DNAH8: variants seen among roughly 807,000 people sequenced by gnomAD.
DNAH8 encodes axonemal beta dynein heavy chain 8.
In DNAH8, 382 loss-of-function variants were observed where a neutral mutation model predicts 562.1. The observed-to-expected ratio is 0.68, with a 90% CI of 0.63 to 0.74. The LOEUF is 0.74. DNAH8 is among the 30% of genes least tolerant of loss of function. DNAH8 has a pLI of 0.00. For synonymous variants in DNAH8, 1,881 were observed against 1,919.4 expected (o/e 0.98, Z 0.52); for missense variants, 5,203 against 5,620.4 (o/e 0.93, Z 2.37).
At chr6:38,989,390 TTTG>T (rs1764629841) in intron 87 of DNAH8, among the ~76,000 whole-genome samples, 1 of 152,226 alleles carries the variant, frequency 6.6e-6, no homozygotes, top group Non-Finnish European at 1.5e-5. Context: ...CTCTCACTGT[TTTG>T]TTAAAGATAA....
chr6:38,887,790 T>C lies in DNAH8; in HGVS notation c.8473+786T>C, dbSNP rs1195562636. Among the ~76,000 whole-genome samples the C allele has an allele frequency of 2.0e-5, 3 of 151,568 alleles. No individual in the cohort carries two copies. In the East Asian group the frequency reaches 5.8e-4, roughly 29 times the overall value. On this transcript the variant is annotated intron_variant, in intron 57 of 92. Transcript: ENST00000327475. ...GACCCTTGCATATAAGAACATTAAT[T>C]ATTTGATATAGCAAGTACTGTAGTC...
At chr6:38,745,639 T>G (rs777760958) in intron 8 of DNAH8, among the ~76,000 whole-genome samples, 1 of 152,212 alleles carries the variant, frequency 6.6e-6, no homozygotes, top group African/African-American at 2.4e-5. Context: ...TTTCCACTTA[T>G]GTATTTTTAT....
At chr6:38,926,705 A>G (rs1034828792) in intron 74 of DNAH8, among the ~76,000 whole-genome samples, 1 of 152,154 alleles carries the variant, frequency 6.6e-6, no homozygotes, top group Non-Finnish European at 1.5e-5. Context: ...TTTTAATTCA[A>G]CTACCAATGT....
At chr6:38,826,044 C>A in intron 28 of DNAH8, 112 bp from the exon 29 acceptor site, 1 of 674,674 alleles carries the variant, frequency 1.5e-6, no homozygotes, top group Non-Finnish European at 2.5e-6. Context: ...TTCAAGTGTT[C>A]AAAAGCCACA....
At chr6:38,819,621 T>C (rs1180305096) in intron 26 of DNAH8, among the ~76,000 whole-genome samples, 2 of 152,144 alleles carry the variant, frequency 1.3e-5, no homozygotes, top group African/African-American at 2.4e-5. Flanking sequence ...TTATCATTTT[T>C]ATTTGATAGT....
intron 85 of DNAH8, among the ~76,000 whole-genome samples, chr6:38,980,324 A>T (rs989339866): frequency 6.6e-6 from 1 of 152,180 alleles, no homozygotes; most frequent in Non-Finnish European, 1.5e-5. Flanking sequence ...AAAAACCCAC[A>T]AAACAAAAAC....
chr6:39,010,289 C>A (rs565806833), intron 89 of DNAH8, among the ~76,000 whole-genome samples: 9 of 152,228 alleles, frequency 5.9e-5, no homozygotes, highest in African/African-American at 2.2e-4. Context: ...GAACAGGTGG[C>A]TGTAAAGTGA....
At chr6:38,750,045 G>T (rs928362002) in intron 8 of DNAH8, among the ~76,000 whole-genome samples, 7 of 152,128 alleles carry the variant, frequency 4.6e-5, no homozygotes, top group Non-Finnish European at 1.0e-4. Context: ...TGTTAGCTAG[G>T]ATGGTCTCGA....
intron 26 of DNAH8, among the ~76,000 whole-genome samples, chr6:38,818,541 A>AG (rs1409941606): frequency 3.3e-5 from 5 of 149,618 alleles, no homozygotes; most frequent in Admixed American, 2.0e-4. Context: ...CAAAAGCAAA[A>AG]AAAAAAAAAA....
chr6:38,988,409 T>G (rs545952782), intron 87 of DNAH8, among the ~76,000 whole-genome samples: 1 of 152,234 alleles, frequency 6.6e-6, no homozygotes, highest in Non-Finnish European at 1.5e-5. Context: ...CAGAATTCAG[T>G]GTGGTTATTT....
chr6:38,746,626 C>T lies in DNAH8; in HGVS notation c.1294-3850C>T, dbSNP rs187087605. Reference sequence around the variant, plus strand: ...GTCTTTCATGTATTGTTTAAAAATACCTTCTTAAGAAGAATAAATTGGTTG... The same window carrying T: ...GTCTTTCATGTATTGTTTAAAAATATCTTCTTAAGAAGAATAAATTGGTTG... On this transcript the variant is annotated intron_variant, in intron 8 of 92. Transcript: ENST00000327475. Among the ~76,000 whole-genome samples, 18 of 151,050 alleles carry T rather than the reference C, an allele frequency of 1.2e-4. No homozygotes were observed. The East Asian group carries it at 2.5e-3, about 21-fold the overall frequency.
intron 88 of DNAH8, among the ~76,000 whole-genome samples, chr6:39,005,399 G>A (rs1354584495): frequency 6.6e-6 from 1 of 152,084 alleles, no homozygotes; most frequent in Non-Finnish European, 1.5e-5. Flanking sequence ...GTAAGACTCT[G>A]TCTCAAAAAC....
chr6:38,850,962 GA>G (rs2150387726), intron 38 of DNAH8, among the ~76,000 whole-genome samples: 1 of 152,260 alleles, frequency 6.6e-6, no homozygotes, highest in South Asian at 2.1e-4. Context: ...GGATTTCAGG[GA>G]ATAGGACCTG....
chr6:38,991,599 A>T (rs1318036195), intron 88 of DNAH8, among the ~76,000 whole-genome samples: 1 of 152,178 alleles, frequency 6.6e-6, no homozygotes, highest in Non-Finnish European at 1.5e-5. Flanking sequence ...ACAGTGACCT[A>T]CATACAGATG....
chr6:38,763,438 C>A, intron 11 of DNAH8: 1 of 305,962 alleles, frequency 3.3e-6, no homozygotes, highest in Non-Finnish European at 6.3e-6. Context: ...AACAAGAGCT[C>A]AAAGAAAGAA....
rs113298498 is a variant in DNAH8 at position 39,000,344 on chromosome 6, C to G, written c.13215-8470C>G. On this transcript the variant is annotated intron_variant, in intron 88 of 92. Transcript: ENST00000327475. ...TAGGGATCAAAGAAAGCTAGTGAGA[C>G]AGGCTCCATTTAAGTTGTGCCTTAA... 2.0e-3 allele frequency among the ~76,000 whole-genome samples: 302 copies of G among 152,294 alleles called. 1 individual carries two copies. The highest frequency in any genetic ancestry group is 6.8e-3 in the African/African-American group (284 of 41,546).
chr6:38,753,729 T>C (rs1236449493), intron 9 of DNAH8, among the ~76,000 whole-genome samples: 6 of 152,210 alleles, frequency 3.9e-5, no homozygotes, highest in Non-Finnish European at 8.8e-5. Context: ...TAAAAATCAT[T>C]TAGTTCTGAT....
intron 20 of DNAH8, among the ~76,000 whole-genome samples, chr6:38,790,843 A>G (rs1024791956): frequency 2.0e-5 from 3 of 151,918 alleles, no homozygotes; most frequent in African/African-American, 7.3e-5. Context: ...AAACAAAACA[A>G]AAAACTTTAT....
At chr6:38,755,376 C>T (rs1464038797) in intron 9 of DNAH8, among the ~76,000 whole-genome samples, 1 of 152,100 alleles carries the variant, frequency 6.6e-6, no homozygotes, top group African/African-American at 2.4e-5. Flanking sequence ...TTCTGCTTTG[C>T]TCTACCTTTT....
Sources: allele counts gnomAD v4.1 joint callset (sites outside exome capture counted in the v4.1 genomes callset), GRCh38; gene constraint gnomAD v4.1.1; transcripts MANE v1.5; gene names NCBI Gene and HGNC (gene_info 2026-07-23, HGNC 2026-07-21).